The following CADM4 variants were observed in gnomAD, a reference collection of about 807,000 sequenced individuals.
CADM4 encodes cell adhesion molecule 4, also known as TSLC1-like 2.
In CADM4, 13 loss-of-function variants were observed where a neutral mutation model predicts 43.9. That is an observed-to-expected ratio of 0.30 (90% CI 0.19 to 0.47). The LOEUF (loss-of-function observed/expected upper bound fraction) is 0.47. Ranked by LOEUF, CADM4 falls within the 20% of genes least tolerant of loss-of-function variation. The pLI, the probability that CADM4 is intolerant of heterozygous loss-of-function variation, is 1.00. For missense variants in CADM4, 420 were observed against 527.0 expected (o/e 0.80, Z 1.99); for synonymous variants, 209 against 220.9 (o/e 0.95, Z 0.48).
chr19:43,623,536 T>A lies in CADM4; in HGVS notation c.1058-97A>T, dbSNP rs1244074184. ...GGAAGAGGGAGACAGACAAGACACATGCCAGGCGAAGGAAGAGGGAGAAAC... is the reference window on the plus strand; with the variant it reads ...GGAAGAGGGAGACAGACAAGACACAAGCCAGGCGAAGGAAGAGGGAGAAAC... On this transcript the variant is annotated intron_variant, in intron 8 of 8. Coordinates refer to ENST00000222374, the MANE Select transcript of CADM4 (RefSeq NM_145296.2). This position sits in a 1 kb window ranked among gnomAD's most constrained non-coding sequence, Gnocchi z 4.4. 2.5e-6 allele frequency: 2 copies of A among 798,124 alleles called. No individual in the cohort carries two copies. Among genetic ancestry groups the A allele is most frequent in the African/African-American group, 1.7e-5 (1 of 59,262 alleles). The allele number at this position is 798,124 out of a possible 1,614,324, so 49.4% of individuals were successfully genotyped here. A position where few individuals can be genotyped will look rare whatever the true frequency, so the allele number is the denominator to read the frequency against.
At chr19:43,629,157 C>G (rs1365498176) in intron 1 of CADM4, among the ~76,000 whole-genome samples, 1 of 152,154 alleles carries the variant, frequency 6.6e-6, no homozygotes, top group Non-Finnish European at 1.5e-5. Flanking sequence ...CCTCTTGCAG[C>G]CTGACCCATC....
intron 1 of CADM4, among the ~76,000 whole-genome samples, chr19:43,634,412 A>G (rs1313052037): frequency 6.6e-6 from 1 of 151,986 alleles, no homozygotes. Flanking sequence ...GGCAAAACTC[A>G]CCATCTCCTG....
Position 43,626,692 on chromosome 19 carries a change from CTG to C in CADM4, c.499+90_499+91del. On this transcript the variant is annotated intron_variant, in intron 4 of 8. Coordinates refer to ENST00000222374, the MANE Select transcript of CADM4 (RefSeq NM_145296.2). This position sits in a 1 kb window ranked among gnomAD's most constrained non-coding sequence, Gnocchi z 5.9. ...CCACTACATATTGAATGTCCAGTGT[CTG>C]TGAAAACCTGTGGCTCCTCTCCACA... 1 of 1,442,780 alleles carries C rather than the reference CTG, an allele frequency of 6.9e-7. No individual in the cohort carries two copies. The highest frequency in any genetic ancestry group is 9.2e-7 in the Non-Finnish European group (1 of 1,081,490). 89.4% of individuals were successfully genotyped at this position (1,442,780 alleles called of 1,614,324 possible).
At position 43,623,272 on chromosome 19, in the gene CADM4, C is replaced by T; in HGVS notation, c.*58G>A. On this transcript the variant is annotated 3_prime_UTR_variant, in exon 9 of 9. Coordinates refer to ENST00000222374, the MANE Select transcript of CADM4 (RefSeq NM_145296.2). The surrounding 1 kb of genome is among the most constrained non-coding windows in gnomAD (Gnocchi z 4.4). ...AAATGTCTTTGCTGGTTCCTTGCAG[C>T]TGGCAGTGGGGGGGACCCCAGCCCA... The T allele has an allele frequency of 8.1e-7, 1 of 1,239,536 alleles. No homozygotes were observed. Among genetic ancestry groups the T allele is most frequent in the Non-Finnish European group, 1.2e-6 (1 of 843,646 alleles). The allele number at this position is 1,239,536 out of a possible 1,614,324, so 76.8% of individuals were successfully genotyped here.
chr19:43,624,347 C>A, intron 7 of CADM4, 105 bp from the exon 8 acceptor site: 1 of 1,398,088 alleles, frequency 7.2e-7, no homozygotes, highest in Non-Finnish European at 9.8e-7. Context: ...TAACCGTGCC[C>A]TTTTATGTGC....
Position 43,627,169 on chromosome 19 carries a change from G to C in CADM4, c.361C>G (p.Leu121Val), listed in dbSNP as rs764322139. The stretch of plus-strand genomic sequence containing the variant: ...CTGACAAGGGGGAGGGCGTTACCTA[G>C]TACCGTGAGCGTGGCAATCTGGTGG... ...THHQIATLTV[L>V]VAPENPVVEV... The change falls in exon 3 of 9, where the codon CTA (leucine) becomes GTA (valine). Residue 121 changes from leucine to valine, a missense_variant. Transcript: ENST00000222374. This position sits in a 1 kb window ranked among gnomAD's most constrained non-coding sequence, Gnocchi z 4.0. 9.4e-6 allele frequency: 15 copies of C among 1,594,250 alleles called. No homozygotes were observed. Among genetic ancestry groups the C allele is most frequent in the Non-Finnish European group, 1.3e-5 (15 of 1,168,464 alleles).
intron 1 of CADM4, among the ~76,000 whole-genome samples, chr19:43,632,967 C>A (rs531694278): frequency 6.7e-6 from 1 of 150,104 alleles, no homozygotes; most frequent in South Asian, 2.1e-4. Context: ...CCGGGCTACT[C>A]AGGAGGCTGA....
chr19:43,623,521 G>A lies in CADM4; in HGVS notation c.1058-82C>T. On this transcript the variant is annotated intron_variant, in intron 8 of 8. Coordinates refer to ENST00000222374, the MANE Select transcript of CADM4 (RefSeq NM_145296.2). This position sits in a 1 kb window ranked among gnomAD's most constrained non-coding sequence, Gnocchi z 4.4. ...GGACAGAAGTATAAGGGAAGAGGGAGACAGACAAGACACATGCCAGGCGAA... is the reference window on the plus strand; with the variant it reads ...GGACAGAAGTATAAGGGAAGAGGGAAACAGACAAGACACATGCCAGGCGAA... 1 of 848,186 alleles carries A rather than the reference G, an allele frequency of 1.2e-6. No individual in the cohort carries two copies. Among genetic ancestry groups the A allele is most frequent in the Non-Finnish European group, 2.0e-6 (1 of 488,056 alleles). The allele number at this position is 848,186 out of a possible 1,614,324, so 52.5% of individuals were successfully genotyped here. A position where few individuals can be genotyped will look rare whatever the true frequency, so the allele number is the denominator to read the frequency against.
rs1401794629 is a variant in CADM4, at chr19:43,626,393, C to T, written c.500-105G>A. 4 of 1,366,088 alleles carry T rather than the reference C, an allele frequency of 2.9e-6. No individual in the cohort carries two copies. The highest frequency in any genetic ancestry group is 4.0e-6 in the Non-Finnish European group (4 of 1,002,740). The allele number at this position is 1,366,088 out of a possible 1,614,324, so 84.6% of individuals were successfully genotyped here. A position where few individuals can be genotyped will look rare whatever the true frequency, so the allele number is the denominator to read the frequency against. On this transcript the variant is annotated intron_variant, in intron 4 of 8. Coordinates refer to ENST00000222374, the MANE Select transcript of CADM4 (RefSeq NM_145296.2). This position sits in a 1 kb window ranked among gnomAD's most constrained non-coding sequence, Gnocchi z 5.9. ...GCTATTTGCCAAGCTCCACCCCTTA[C>T]CCACAGGCCCCGCCTCTTGTCCTCC...
chr19:43,627,247 G>T lies in CADM4; in HGVS notation c.283C>A (p.Arg95Ser). Reference sequence around the variant, plus strand: ...AAATAGCCCCCCTCGTCCTCCAGGCGGGCATCTGAGAGCCGGATCCGCACC... The same window carrying T: ...AAATAGCCCCCCTCGTCCTCCAGGCTGGCATCTGAGAGCCGGATCCGCACC... ...RRVRIRLSDA[R>S]LEDEGGYFCQ... The change falls in exon 3 of 9, where the codon CGC becomes AGC. Residue 95 changes from arginine (R) to serine (S), a missense_variant. Transcript: ENST00000222374. This position sits in a 1 kb window ranked among gnomAD's most constrained non-coding sequence, Gnocchi z 4.0. 1 of 1,612,666 alleles carries T rather than the reference G, an allele frequency of 6.2e-7. No homozygotes were observed. The highest frequency in any genetic ancestry group is 8.5e-7 in the Non-Finnish European group (1 of 1,179,346).
At chr19:43,632,882 C>T (rs1244771146) in intron 1 of CADM4, among the ~76,000 whole-genome samples, 6 of 151,918 alleles carry the variant, frequency 3.9e-5, no homozygotes, top group Non-Finnish European at 7.4e-5. Context: ...GTCAGGAGTT[C>T]AAGACCAGCC....
intron 1 of CADM4, among the ~76,000 whole-genome samples, chr19:43,631,202 G>A (rs1246786853): frequency 6.6e-6 from 1 of 152,122 alleles, no homozygotes; most frequent in East Asian, 1.9e-4. Flanking sequence ...TTAGCCAGGT[G>A]TGGTGGTGGG....
upstream of CADM4, among the ~76,000 whole-genome samples, chr19:43,641,023 C>A (rs1973766566): frequency 6.7e-6 from 1 of 148,616 alleles, no homozygotes; most frequent in Non-Finnish European, 1.5e-5. Context: ...GGCTGGAGTG[C>A]AGTGGCACGA....
In CADM4 at chr19:43,625,358, A is replaced by G. The variant is rs2146136210; in HGVS notation, c.756-108T>C. 2.7e-6 allele frequency: 3 copies of G among 1,096,126 alleles called. No individual in the cohort carries two copies. The highest frequency in any genetic ancestry group is 5.2e-5 in the East Asian group (2 of 38,498). The allele number at this position is 1,096,126 out of a possible 1,614,324, so 67.9% of individuals were successfully genotyped here. A position where few individuals can be genotyped will look rare whatever the true frequency, so the allele number is the denominator to read the frequency against. On this transcript the variant is annotated intron_variant, in intron 6 of 8. Coordinates refer to ENST00000222374, the MANE Select transcript of CADM4 (RefSeq NM_145296.2). This position sits in a 1 kb window ranked among gnomAD's most constrained non-coding sequence, Gnocchi z 4.5. ...ACTCTCATCCCGCAGGGACCTCCAA[A>G]TAAGAGGCTTCCTGCTATCTCTTTC...
At chr19:43,638,902 G>A (rs941107367) in intron 1 of CADM4, among the ~76,000 whole-genome samples, 3 of 152,230 alleles carry the variant, frequency 2.0e-5, no homozygotes, top group African/African-American at 7.2e-5. Flanking sequence ...AGAGAGGGAG[G>A]AAGGTAGGAT....
intron 7 of CADM4, 91 bp from the exon 8 acceptor site, chr19:43,624,333 C>T: frequency 6.6e-7 from 1 of 1,515,554 alleles, no homozygotes; most frequent in South Asian, 1.2e-5. Context: ...ATTCTGCACA[C>T]GTCTAACCGT....
At chr19:43,631,852 A>G (rs1973630507) in intron 1 of CADM4, among the ~76,000 whole-genome samples, 1 of 151,892 alleles carries the variant, frequency 6.6e-6, no homozygotes, top group Admixed American at 6.6e-5. Flanking sequence ...ACAGCCCTCA[A>G]CTCCTAGTTC....
chr19:43,631,302 C>G (rs1390345767), intron 1 of CADM4, among the ~76,000 whole-genome samples: 1 of 151,018 alleles, frequency 6.6e-6, no homozygotes, highest in Non-Finnish European at 1.5e-5. Context: ...GATCGCGCCA[C>G]TGCAGTCCAG....
rs1391681371 is a variant in CADM4, at chr19:43,639,841, C to T, written c.-51G>A. On this transcript the variant is annotated 5_prime_UTR_variant, in exon 1 of 9. Transcript: ENST00000222374. ...CTCGCTCCCGGCCCGGCACCTGCAC[C>T]GCCCGCGCCGCCCGCCCCGCCCCCC... 1.0e-6 allele frequency: 1 copy of T among 977,800 alleles called. No individual in the cohort carries two copies. Among genetic ancestry groups the T allele is most frequent in the Admixed American group, 6.4e-5 (1 of 15,628 alleles). The allele number at this position is 977,800 out of a possible 1,614,324, so 60.6% of individuals were successfully genotyped here. A position where few individuals can be genotyped will look rare whatever the true frequency, so the allele number is the denominator to read the frequency against.
Sources: allele counts gnomAD v4.1 joint callset (sites outside exome capture counted in the v4.1 genomes callset), GRCh38; gene constraint gnomAD v4.1.1; non-coding constraint Gnocchi (gnomAD v3.1); transcripts MANE v1.5; gene names NCBI Gene and HGNC (gene_info 2026-07-23, HGNC 2026-07-21).